Variants in CSMD1 observed in about 807,000 individuals in gnomAD.
CSMD1 encodes CUB and Sushi multiple domains 1.
Under a neutral mutation model 417.5 loss-of-function variants are expected in CSMD1, and 213 were observed. The ratio of observed to expected loss-of-function variants is 0.51; its 90% confidence interval spans 0.46 to 0.57. The LOEUF is 0.57. CSMD1 is among the 20% of genes least tolerant of loss of function. CSMD1 has a pLI of 0.00. For missense variants in CSMD1, 6,923 were observed against 4,529.7 expected (o/e 1.53, Z -15.17); for synonymous variants, 2,862 against 1,736.8 (o/e 1.65, Z -16.11).
intron 3 of CSMD1, among the ~76,000 whole-genome samples, chr8:4,114,341 G>C (rs529700040): frequency 1.3e-5 from 2 of 152,148 alleles, no homozygotes; most frequent in Non-Finnish European, 2.9e-5. Context: ...TTTACAGCAC[G>C]GTTAATGCAG....
chr8:3,819,958 G>A (rs900977070), intron 5 of CSMD1, among the ~76,000 whole-genome samples: 1 of 152,112 alleles, frequency 6.6e-6, no homozygotes, highest in Non-Finnish European at 1.5e-5. Context: ...ATAATTCATC[G>A]TTTCCCGAAT....
At chr8:3,730,353 A>G (rs1444025281) in intron 6 of CSMD1, among the ~76,000 whole-genome samples, 1 of 146,590 alleles carries the variant, frequency 6.8e-6, no homozygotes, top group African/African-American at 2.5e-5. Flanking sequence ...CATGCTCCCA[A>G]AAAAATTTAA....
At chr8:2,961,780 A>G (rs1409838214) in intron 61 of CSMD1, among the ~76,000 whole-genome samples, 35 of 152,224 alleles carry the variant, frequency 2.3e-4, no homozygotes, top group Admixed American at 2.2e-3. Flanking sequence ...TAGAAAAACA[A>G]AACAGATAAC....
intron 3 of CSMD1, among the ~76,000 whole-genome samples, chr8:4,297,715 C>G (rs1261351631): frequency 6.6e-6 from 1 of 152,060 alleles, no homozygotes; most frequent in Non-Finnish European, 1.5e-5. Flanking sequence ...GTGATCGCCT[C>G]TGTGTTGGAA....
At position 3,768,465 on chromosome 8, in the gene CSMD1, A is replaced by AT. The variant is rs78578436; in HGVS notation, c.819-14424dup. ...TAACCAGAAAATATATTTCCAACAT[A>AT]TTTTTTTCTGAAAATTTCTAGTTTA... On this transcript the variant is annotated intron_variant, in intron 5 of 69. Coordinates refer to ENST00000635120, the MANE Select transcript of CSMD1 (RefSeq NM_033225.6). Among the ~76,000 whole-genome samples, 202 of 152,262 alleles carry AT rather than the reference A, an allele frequency of 1.3e-3. 3 individuals are homozygous for AT. The East Asian group carries it at 0.033, about 25-fold the overall frequency.
Position 3,384,103 on chromosome 8 carries a change from G to C in CSMD1, c.2782+3391C>G, listed in dbSNP as rs545620724. 2.4e-4 allele frequency among the ~76,000 whole-genome samples: 36 copies of C among 152,268 alleles called. 1 individual carries two copies. The highest frequency in any genetic ancestry group is 7.9e-4 in the African/African-American group (33 of 41,544). On this transcript the variant is annotated intron_variant, in intron 18 of 69. Coordinates refer to ENST00000635120, the MANE Select transcript of CSMD1 (RefSeq NM_033225.6). ...GTGGAGTCCTGGAAAAGTTCGTTTA[G>C]TGACCTACATGGTCTTGAGCTGACA...
chr8:3,179,070 C>T (rs899547193), intron 37 of CSMD1, among the ~76,000 whole-genome samples: 1 of 151,462 alleles, frequency 6.6e-6, no homozygotes, highest in East Asian at 2.0e-4. Flanking sequence ...GCCTCAGCCT[C>T]CTGAGCAGCT....
chr8:3,441,539 C>T (rs962423834), intron 12 of CSMD1, among the ~76,000 whole-genome samples: 4 of 146,186 alleles, frequency 2.7e-5, no homozygotes, highest in East Asian at 2.1e-4. Context: ...TCCTGTACCA[C>T]GTAAGGACAT....
At chr8:4,041,966 A>C (rs1346255102) in intron 3 of CSMD1, among the ~76,000 whole-genome samples, 2 of 152,156 alleles carry the variant, frequency 1.3e-5, no homozygotes, top group African/African-American at 4.8e-5. Flanking sequence ...ATGAAACATA[A>C]AAGAAAAAAG....
intron 3 of CSMD1, among the ~76,000 whole-genome samples, chr8:4,310,302 G>T (rs1798489805): frequency 6.6e-6 from 1 of 152,124 alleles, no homozygotes. Flanking sequence ...AATTCTTATG[G>T]GTGGGTGTGG....
At chr8:4,175,921 G>C (rs952503408) in intron 3 of CSMD1, among the ~76,000 whole-genome samples, 1 of 152,084 alleles carries the variant, frequency 6.6e-6, no homozygotes, top group African/African-American at 2.4e-5. Flanking sequence ...TTTCTGTGTG[G>C]TCACTGTGCA....
intron 49 of CSMD1, among the ~76,000 whole-genome samples, chr8:3,064,784 T>C (rs894240392): frequency 2.0e-5 from 3 of 152,202 alleles, no homozygotes; most frequent in African/African-American, 4.8e-5. Flanking sequence ...TCTGATTATT[T>C]AGAAATAACC....
At chr8:4,148,440 G>T (rs991262316) in intron 3 of CSMD1, among the ~76,000 whole-genome samples, 3 of 151,680 alleles carry the variant, frequency 2.0e-5, no homozygotes, top group African/African-American at 7.3e-5. Context: ...AATTCCTGCA[G>T]CACACCAACA....
intron 3 of CSMD1, among the ~76,000 whole-genome samples, chr8:4,177,855 A>G (rs1035787112): frequency 2.0e-5 from 3 of 151,766 alleles, no homozygotes; most frequent in African/African-American, 7.3e-5. Context: ...TCCTCGACAC[A>G]TACACTCTCC....
chr8:3,636,820 T>G (rs1469870262), intron 7 of CSMD1, among the ~76,000 whole-genome samples: 3 of 152,164 alleles, frequency 2.0e-5, no homozygotes, highest in African/African-American at 7.2e-5. Context: ...TTTTCTTTAT[T>G]TTTTGCTATA....
intron 26 of CSMD1, among the ~76,000 whole-genome samples, chr8:3,281,961 A>C (rs1180183800): frequency 1.3e-5 from 2 of 151,668 alleles, no homozygotes; most frequent in African/African-American, 4.9e-5. Context: ...CTTCCGCTTC[A>C]CTCTGTCTTT....
chr8:3,094,948 T>C (rs1815196209), intron 47 of CSMD1, among the ~76,000 whole-genome samples: 1 of 152,024 alleles, frequency 6.6e-6, no homozygotes, highest in Non-Finnish European at 1.5e-5. Context: ...GACCAGACAA[T>C]CCTAGTCACT....
At chr8:3,589,419 T>G (rs530810702) in intron 8 of CSMD1, among the ~76,000 whole-genome samples, 4 of 152,100 alleles carry the variant, frequency 2.6e-5, no homozygotes, top group Admixed American at 2.0e-4. Context: ...CGCGTGTGTG[T>G]ACACAATGGA....
At chr8:3,457,951 G>C (rs979400481) in intron 12 of CSMD1, among the ~76,000 whole-genome samples, 2 of 152,154 alleles carry the variant, frequency 1.3e-5, no homozygotes, top group African/African-American at 4.8e-5. Context: ...TCCAATTACA[G>C]AGCCTAAAAT....
Sources: allele counts gnomAD v4.1 joint callset (sites outside exome capture counted in the v4.1 genomes callset), GRCh38; gene constraint gnomAD v4.1.1; transcripts MANE v1.5; gene names NCBI Gene and HGNC (gene_info 2026-07-23, HGNC 2026-07-21).